The following AGO2 variants were observed in gnomAD, a reference collection of about 807,000 sequenced individuals.
AGO2 encodes protein argonaute-2.
In AGO2, 5 loss-of-function variants were observed where a neutral mutation model predicts 102.3. That is an observed-to-expected ratio of 0.05 (90% CI 0.03 to 0.10). The LOEUF (loss-of-function observed/expected upper bound fraction) is 0.10, where lower values mean the gene tolerates loss of function less well. AGO2 is among the 10% of genes least tolerant of loss of function. The probability of loss-of-function intolerance (pLI) is 1.00; values close to 1 mark genes in which losing one functional copy is unlikely to be tolerated. For missense variants in AGO2, 541 were observed against 1,183.7 expected, an observed-to-expected ratio of 0.46 and a Z score of 7.97; for synonymous variants, 449 against 473.1, an observed-to-expected ratio of 0.95 and a Z score of 0.66.
At chr8:140,545,166 A>G (rs2072877419) in intron 13 of AGO2, among the ~76,000 whole-genome samples, 1 of 151,286 alleles carries the variant, frequency 6.6e-6, no homozygotes, top group Non-Finnish European at 1.5e-5. Flanking sequence ...ACATCCTCTC[A>G]CTCCCATCGC....
chr8:140,639,646 A>C (rs534355772), upstream of AGO2, among the ~76,000 whole-genome samples: 1 of 151,818 alleles, frequency 6.6e-6, no homozygotes, highest in Non-Finnish European at 1.5e-5. Flanking sequence ...GGTGGCACAC[A>C]TCTGTAGTCC....
chr8:140,591,182 G>A (rs570546328), intron 1 of AGO2, among the ~76,000 whole-genome samples: 5 of 152,248 alleles, frequency 3.3e-5, no homozygotes, highest in Non-Finnish European at 7.3e-5. Context: ...TTCTGCAGGC[G>A]CGGTTCCTGG....
At chr8:140,585,369 C>T in intron 1 of AGO2, 58 bp from the exon 2 acceptor site, 1 of 1,558,134 alleles carries the variant, frequency 6.4e-7, no homozygotes, top group Non-Finnish European at 8.7e-7. Flanking sequence ...TGCGGCCCTT[C>T]CCATCCCGCG....
chr8:140,562,294 T>A (rs2073214822), intron 4 of AGO2, among the ~76,000 whole-genome samples, 159 bp downstream of exon 4: 1 of 152,376 alleles, frequency 6.6e-6, no homozygotes, highest in Admixed American at 6.5e-5. Flanking sequence ...TGTTTCCACC[T>A]TAGCACCATT....
At position 140,563,920 on chromosome 8, in the gene AGO2, C is replaced by T. The variant is rs533678820; in HGVS notation, c.337-1286G>A. Reference sequence around the variant, plus strand: ...CTTGCCACACCTTGTTTGAACCTCACGGAGCTACGACCAGACTCTGCGGGC... The same window carrying T: ...CTTGCCACACCTTGTTTGAACCTCATGGAGCTACGACCAGACTCTGCGGGC... On this transcript the variant is annotated intron_variant, in intron 3 of 18. Coordinates refer to ENST00000220592, the MANE Select transcript of AGO2 (RefSeq NM_012154.5). Among the ~76,000 whole-genome samples, 498 of 152,352 alleles carry T rather than the reference C, an allele frequency of 3.3e-3. 2 individuals are homozygous for T. Among genetic ancestry groups the T allele is most frequent in the African/African-American group, 0.011 (470 of 41,584 alleles).
intron 1 of AGO2, among the ~76,000 whole-genome samples, chr8:140,611,064 C>G (rs1409804453): frequency 6.6e-6 from 1 of 152,206 alleles, no homozygotes. Flanking sequence ...TAGCGGTTCT[C>G]TAAGTGTGGT....
At chr8:140,568,299 A>AAAAAAAAG (rs1368365026) in intron 3 of AGO2, among the ~76,000 whole-genome samples, 61 of 150,422 alleles carry the variant, frequency 4.1e-4, no homozygotes, top group African/African-American at 1.2e-3. Flanking sequence ...AAAAAAAAAA[A>AAAAAAAAG]AGAGAGAGCA....
intron 1 of AGO2, among the ~76,000 whole-genome samples, chr8:140,597,534 G>C (rs1195932897): frequency 1.5e-5 from 2 of 129,958 alleles, no homozygotes; most frequent in Non-Finnish European, 3.1e-5. Context: ...CTGGGGGATG[G>C]CCTCCTGGCT....
chr8:140,542,965 C>T (rs1384827048), intron 14 of AGO2, among the ~76,000 whole-genome samples: 1 of 152,142 alleles, frequency 6.6e-6, no homozygotes, highest in Admixed American at 6.5e-5. Flanking sequence ...ACGGTGAAAC[C>T]CCATCTCTAT....
At chr8:140,625,673 C>T (rs2074266889) in intron 1 of AGO2, among the ~76,000 whole-genome samples, 1 of 152,196 alleles carries the variant, frequency 6.6e-6, no homozygotes, top group African/African-American at 2.4e-5. Flanking sequence ...ACCAGAGTTC[C>T]CGCCGACTCT....
chr8:140,580,975 G>A (rs953120235), intron 2 of AGO2, among the ~76,000 whole-genome samples: 1 of 152,236 alleles, frequency 6.6e-6, no homozygotes, highest in East Asian at 1.9e-4. Context: ...AAGACATCAC[G>A]TTCTCATCAC....
intron 1 of AGO2, among the ~76,000 whole-genome samples, chr8:140,587,050 C>T (rs2073670562): frequency 6.6e-6 from 1 of 152,278 alleles, no homozygotes; most frequent in Admixed American, 6.5e-5. Flanking sequence ...GCTGCTGGGC[C>T]GGCTCCAAAC....
At chr8:140,534,102 C>A (rs1003020333) in intron 17 of AGO2, among the ~76,000 whole-genome samples, 2 of 152,292 alleles carry the variant, frequency 1.3e-5, no homozygotes, top group Admixed American at 1.3e-4. Context: ...GGCAGCGGAA[C>A]GTTCGTCCCT....
At chr8:140,595,212 A>C (rs1407437847) in intron 1 of AGO2, among the ~76,000 whole-genome samples, 1 of 152,216 alleles carries the variant, frequency 6.6e-6, no homozygotes, top group East Asian at 1.9e-4. Flanking sequence ...AGGACAGTTC[A>C]GTGACACTGC....
intron 13 of AGO2, 29 bp from the exon 14 acceptor site, chr8:140,544,332 CG>C (rs1564077355): frequency 6.3e-7 from 1 of 1,579,766 alleles, no homozygotes; most frequent in Admixed American, 1.8e-5. Context: ...TCAGGGGCCA[CG>C]GTGAGACACG....
intron 3 of AGO2, among the ~76,000 whole-genome samples, chr8:140,571,214 G>T (rs993999366): frequency 6.6e-6 from 1 of 152,166 alleles, no homozygotes; most frequent in Non-Finnish European, 1.5e-5. Flanking sequence ...TTTATGCAGA[G>T]CCCTATATCG....
At chr8:140,563,260 TC>T (rs1173184452) in intron 3 of AGO2, among the ~76,000 whole-genome samples, 1 of 152,140 alleles carries the variant, frequency 6.6e-6, no homozygotes, top group East Asian at 1.9e-4. Context: ...TGAGACAGGG[TC>T]TCACTGTGGC....
At chr8:140,577,169 C>T (rs2132988093) in intron 2 of AGO2, among the ~76,000 whole-genome samples, 1 of 142,480 alleles carries the variant, frequency 7.0e-6, no homozygotes, top group South Asian at 2.2e-4. Flanking sequence ...GATCACATCA[C>T]TGCACTCCAG....
chr8:140,544,311 G>A lies in AGO2; in HGVS notation c.1749-8C>T. The stretch of plus-strand genomic sequence containing the variant: ...TGCTGGAACACCGGCGGCCTGCGGA[G>A]AGGAGTGGCGTCAGGGGCCACGGTG... On this transcript the variant is annotated splice_region_variant and splice_polypyrimidine_tract_variant and intron_variant, in intron 13 of 18. Coordinates refer to ENST00000220592, the MANE Select transcript of AGO2 (RefSeq NM_012154.5). 2 of 1,597,170 alleles carry A rather than the reference G, an allele frequency of 1.3e-6. No homozygotes were observed. The highest frequency in any genetic ancestry group is 1.1e-5 in the South Asian group (1 of 88,820).
Sources: allele counts gnomAD v4.1 joint callset (sites outside exome capture counted in the v4.1 genomes callset), GRCh38; gene constraint gnomAD v4.1.1; transcripts MANE v1.5; gene names NCBI Gene and HGNC (gene_info 2026-07-23, HGNC 2026-07-21).